The following PTPRD variants were observed in gnomAD, a reference collection of about 807,000 sequenced individuals.
PTPRD encodes the protein receptor-type tyrosine-protein phosphatase delta.
PTPRD carries 34 observed loss-of-function variants against 214.5 expected under a neutral mutation model. The observed-to-expected ratio is 0.16, with a 90% CI of 0.12 to 0.21. The LOEUF is 0.21. Among genes scored for constraint, PTPRD ranks in the 10% least tolerant of loss-of-function variants. PTPRD has a pLI of 1.00. For missense variants in PTPRD, 2,545 were observed against 2,398.7 expected (o/e 1.06, Z -1.27); for synonymous variants, 1,128 against 845.7 (o/e 1.33, Z -5.79).
intron 5 of PTPRD, among the ~76,000 whole-genome samples, chr9:9,808,210 C>A (rs117193896): frequency 6.6e-6 from 1 of 152,062 alleles, no homozygotes; most frequent in African/African-American, 2.4e-5. Flanking sequence ...GCACAGAGAA[C>A]GATTCTCCAA....
At chr9:10,131,210 T>C (rs2098876889) in intron 3 of PTPRD, among the ~76,000 whole-genome samples, 1 of 152,150 alleles carries the variant, frequency 6.6e-6, no homozygotes, top group Non-Finnish European at 1.5e-5. Flanking sequence ...CTGATGTTAC[T>C]GTCTAACAGC....
In PTPRD at chr9:9,789,556, G is replaced by C. The variant is rs1366788466; in HGVS notation, c.-367-22705C>G. 3.3e-5 allele frequency among the ~76,000 whole-genome samples: 5 copies of C among 151,980 alleles called. No individual in the cohort carries two copies. The South Asian group carries it at 6.2e-4, about 19-fold the overall frequency. ...CTCACGCCTGTAATCCCAGCACTTT[G>C]GGAGGCCGAGGCGGGCGGATCAGGA... is the stretch of plus-strand genomic sequence containing the variant. On this transcript the variant is annotated intron_variant, in intron 5 of 45. Transcript: ENST00000381196.
rs58765296 is a variant in PTPRD, at chr9:10,079,932, CTTTT to C, written c.-544-46146_-544-46143del. On this transcript the variant is annotated intron_variant, in intron 3 of 45. Transcript: ENST00000381196. ...GAGTATCCAAGGTAATTAAATCTTGCTTTTTTTTTTTTTTTTCCAGCTTGGTATG... is the reference window on the plus strand; with the variant it reads ...GAGTATCCAAGGTAATTAAATCTTGCTTTTTTTTTTTTCCAGCTTGGTATG... Among the ~76,000 whole-genome samples the C allele has an allele frequency of 7.9e-5, 11 of 139,166 alleles. 1 individual carries two copies. The South Asian group carries it at 2.6e-3, about 32-fold the overall frequency. The allele number at this position is 139,166 out of a possible 152,430, so 91.3% of individuals were successfully genotyped here.
chr9:8,638,924 C>T (rs548418092), intron 12 of PTPRD, among the ~76,000 whole-genome samples: 85 of 152,260 alleles, frequency 5.6e-4, no homozygotes, highest in Non-Finnish European at 1.0e-3. Flanking sequence ...CTCACTGCAA[C>T]CTCCACTACC....
At chr9:10,268,145 C>A (rs2094192382) in intron 3 of PTPRD, among the ~76,000 whole-genome samples, 1 of 143,528 alleles carries the variant, frequency 7.0e-6, no homozygotes, top group South Asian at 2.2e-4. Flanking sequence ...AAATAATTGG[C>A]TGAGTGTGGT....
chr9:8,479,532 C>CA lies in PTPRD; in HGVS notation c.3413+4586dup, dbSNP rs570954178. On this transcript the variant is annotated intron_variant, in intron 30 of 45. Transcript: ENST00000381196. ...AGAAGCGGAAAGTGCATAAATAAAA[C>CA]AAAAAAAATTGAACAAGCTAAAAAT... Among the ~76,000 whole-genome samples, 25 of 151,514 alleles carry CA rather than the reference C, an allele frequency of 1.7e-4. No homozygotes were observed. In the South Asian group the frequency reaches 2.5e-3, roughly 15 times the overall value.
intron 9 of PTPRD, among the ~76,000 whole-genome samples, chr9:9,206,395 G>C (rs2099944877): frequency 6.6e-6 from 1 of 152,230 alleles, no homozygotes; most frequent in Admixed American, 6.5e-5. Context: ...CTATACTGGA[G>C]TGAGAGTTGG....
chr9:10,130,048 TG>T (rs1049474621), intron 3 of PTPRD, among the ~76,000 whole-genome samples: 5 of 147,956 alleles, frequency 3.4e-5, no homozygotes, highest in Admixed American at 1.4e-4. Flanking sequence ...TAGTTTGATT[TG>T]TTTTTTTGAT....
chr9:9,156,685 G>A (rs945899646), intron 10 of PTPRD, among the ~76,000 whole-genome samples: 1 of 152,044 alleles, frequency 6.6e-6, no homozygotes, highest in African/African-American at 2.4e-5. Flanking sequence ...AGGTATTCCA[G>A]ATTAGATCAT....
chr9:10,294,653 T>G (rs2095624209), intron 3 of PTPRD, among the ~76,000 whole-genome samples: 1 of 151,976 alleles, frequency 6.6e-6, no homozygotes, highest in Admixed American at 6.6e-5. Flanking sequence ...CAGAGACTGT[T>G]TAATCTAACC....
At chr9:9,625,135 C>T (rs1463983561) in intron 7 of PTPRD, among the ~76,000 whole-genome samples, 3 of 152,136 alleles carry the variant, frequency 2.0e-5, no homozygotes, top group African/African-American at 7.2e-5. Context: ...AGTTCTTGGA[C>T]CTGCCTTTAT....
chr9:8,857,774 C>A (rs549479589), intron 11 of PTPRD: 116 of 157,210 alleles, frequency 7.4e-4, no homozygotes, highest in Middle Eastern at 3.1e-3. Context: ...GAGCAGCGGC[C>A]GCCGCCGCCG....
At chr9:10,547,806 G>A (rs765783313) in intron 2 of PTPRD, among the ~76,000 whole-genome samples, 14 of 152,004 alleles carry the variant, frequency 9.2e-5, no homozygotes, top group Non-Finnish European at 1.5e-4. Flanking sequence ...ACAGATTGCT[G>A]TATTTTTAAA....
At chr9:10,314,316 T>C (rs925376040) in intron 3 of PTPRD, among the ~76,000 whole-genome samples, 7 of 151,866 alleles carry the variant, frequency 4.6e-5, no homozygotes. Flanking sequence ...AATTTCCAAA[T>C]ATTTTAGAAA....
At chr9:9,242,110 G>C (rs1054240352) in intron 9 of PTPRD, among the ~76,000 whole-genome samples, 13 of 151,990 alleles carry the variant, frequency 8.6e-5, no homozygotes, top group African/African-American at 2.9e-4. Context: ...ATGAAGCTTA[G>C]TTTGGCTGGA....
intron 2 of PTPRD, among the ~76,000 whole-genome samples, chr9:10,468,372 C>G (rs960212909): frequency 2.6e-5 from 4 of 152,078 alleles, no homozygotes; most frequent in Non-Finnish European, 5.9e-5. Flanking sequence ...AAGCTGGAAA[C>G]CATCATTCTC....
chr9:9,947,146 T>A (rs73402690), intron 4 of PTPRD, among the ~76,000 whole-genome samples: 13,943 of 148,124 alleles, frequency 0.094, 2,206 homozygotes, highest in African/African-American at 0.33. Context: ...TATTCCTATA[T>A]GTACAAGAGG....
At chr9:10,524,302 CAA>C (rs1017944058) in intron 2 of PTPRD, among the ~76,000 whole-genome samples, 8 of 152,032 alleles carry the variant, frequency 5.3e-5, no homozygotes, top group Non-Finnish European at 1.2e-4. Context: ...CGAGGCAGCG[CAA>C]AATGTGGAGG....
At position 9,772,804 on chromosome 9, in the gene PTPRD, T is replaced by C. The variant is rs114073492; in HGVS notation, c.-367-5953A>G. ...GGTGGCACTATAAATTGAAAAGCAA[T>C]TTACAAGCTTGCATCAAAGTCTTAA... On this transcript the variant is annotated intron_variant, in intron 5 of 45. Transcript: ENST00000381196. 7.9e-3 allele frequency among the ~76,000 whole-genome samples: 1,198 copies of C among 152,260 alleles called. 12 individuals are homozygous for C. The highest frequency in any genetic ancestry group is 0.026 in the African/African-American group (1,093 of 41,552).
Sources: gnomAD v4.1 joint callset for allele counts (sites outside exome capture counted in the v4.1 genomes callset) on GRCh38, gnomAD v4.1.1 for gene constraint, MANE v1.5 for transcripts, NCBI Gene and HGNC (gene_info 2026-07-23, HGNC 2026-07-21) for gene names.